NELL1: variants seen among roughly 807,000 people sequenced by gnomAD.
NELL1 encodes the protein protein kinase C-binding protein NELL1.
NELL1 carries 76 observed loss-of-function variants against 107.4 expected under a neutral mutation model. The observed-to-expected ratio is 0.71, with a 90% CI of 0.59 to 0.86. The LOEUF (loss-of-function observed/expected upper bound fraction) is 0.86, where lower values mean the gene tolerates loss of function less well. Ranked by LOEUF, NELL1 falls within the 40% of genes least tolerant of loss-of-function variation. The probability of loss-of-function intolerance (pLI) is 0.00; values close to 1 mark genes in which losing one functional copy is unlikely to be tolerated. For missense variants in NELL1, 1,024 were observed against 1,005.5 expected, an observed-to-expected ratio of 1.02 and a Z score of -0.25; for synonymous variants, 353 against 341.2, an observed-to-expected ratio of 1.03 and a Z score of -0.38.
intron 2 of NELL1, among the ~76,000 whole-genome samples, chr11:20,692,858 G>A (rs191706585): frequency 1.4e-4 from 21 of 152,160 alleles, no homozygotes; most frequent in Middle Eastern, 3.4e-3. Context: ...TTTCTGTCTC[G>A]TTGATCTGTC....
intron 4 of NELL1, among the ~76,000 whole-genome samples, chr11:20,865,285 C>A (rs1470968328): frequency 6.6e-6 from 1 of 152,158 alleles, no homozygotes; most frequent in African/African-American, 2.4e-5. Context: ...TCCTGCTAAA[C>A]ACCACATGAA....
At chr11:21,213,179 A>C (rs1490008978) in intron 13 of NELL1, among the ~76,000 whole-genome samples, 1 of 152,140 alleles carries the variant, frequency 6.6e-6, no homozygotes, top group Non-Finnish European at 1.5e-5. Context: ...CATTTATAGG[A>C]TCTGTATGCT....
chr11:21,361,264 T>G (rs1205916749), intron 14 of NELL1, among the ~76,000 whole-genome samples: 18 of 42,900 alleles, frequency 4.2e-4, no homozygotes, highest in Admixed American at 2.0e-3. Context: ...TGACAATTTT[T>G]TTTTTTTTTT....
chr11:20,934,383 T>C (rs1850680329), intron 9 of NELL1, among the ~76,000 whole-genome samples: 1 of 152,224 alleles, frequency 6.6e-6, no homozygotes, highest in Admixed American at 6.5e-5. Flanking sequence ...CACCCTGCTA[T>C]GTGAGTACAT....
At chr11:20,944,957 G>T (rs1263471699) in intron 10 of NELL1, among the ~76,000 whole-genome samples, 1 of 152,048 alleles carries the variant, frequency 6.6e-6, no homozygotes, top group Admixed American at 6.6e-5. Flanking sequence ...TTAATATTTT[G>T]TTTTTACAAA....
chr11:21,499,229 T>C (rs1425404595), intron 15 of NELL1, among the ~76,000 whole-genome samples: 1 of 152,054 alleles, frequency 6.6e-6, no homozygotes, highest in East Asian at 1.9e-4. Context: ...TAATACATTG[T>C]AAAATTTACT....
At chr11:20,951,794 T>A (rs1045820777) in intron 11 of NELL1, among the ~76,000 whole-genome samples, 6 of 152,116 alleles carry the variant, frequency 3.9e-5, no homozygotes, top group Non-Finnish European at 8.8e-5. Flanking sequence ...CAGAACATCC[T>A]TAATCACCAC....
chr11:21,355,165 T>G (rs1467842410), intron 14 of NELL1, among the ~76,000 whole-genome samples: 1 of 152,218 alleles, frequency 6.6e-6, no homozygotes, highest in Non-Finnish European at 1.5e-5. Context: ...TCTTCATACC[T>G]TTTTGTCTTA....
At position 21,573,263 on chromosome 11, in the gene NELL1, T is replaced by C. The variant is rs774092159; in HGVS notation, c.2236T>C (p.Cys746Arg). 1 of 1,612,502 alleles carries C rather than the reference T, an allele frequency of 6.2e-7. No homozygotes were observed. The highest frequency in any genetic ancestry group is 8.5e-7 in the Non-Finnish European group (1 of 1,179,056). Residue 746 changes from cysteine to arginine, a missense_variant, in exon 19 of 20, where the codon TGT (cysteine) becomes CGT (arginine). Transcript: ENST00000357134. ...TACAGCTATCTTAGAAGGGGAATGTTGTCCCCGCTGTGTCAGTGACCCCTG... is the reference window on the plus strand; with the variant it reads ...TACAGCTATCTTAGAAGGGGAATGTCGTCCCCGCTGTGTCAGTGACCCCTG... ...EYTAILEGEC[C>R]PRCVSDPCLA...
intron 3 of NELL1, among the ~76,000 whole-genome samples, chr11:20,833,576 TTCCTAAA>T (rs1162243612): frequency 6.6e-6 from 1 of 152,182 alleles, no homozygotes; most frequent in Non-Finnish European, 1.5e-5. Flanking sequence ...AGTCCATGTG[TTCCTAAA>T]GCTTATCCAG....
chr11:21,525,694 A>G (rs927976701), intron 15 of NELL1, among the ~76,000 whole-genome samples: 2 of 152,224 alleles, frequency 1.3e-5, no homozygotes, highest in African/African-American at 4.8e-5. Flanking sequence ...AGGCCTCACA[A>G]TCATGGCAGA....
chr11:20,816,919 TTTTG>T (rs1270648796), intron 3 of NELL1, among the ~76,000 whole-genome samples: 2 of 152,194 alleles, frequency 1.3e-5, no homozygotes, highest in Non-Finnish European at 2.9e-5. Context: ...TTGTTTTTAG[TTTTG>T]TTTATGTGTT....
Position 21,515,445 on chromosome 11 carries a change from G to A in NELL1, c.1646-18929G>A, listed in dbSNP as rs140881915. The stretch of plus-strand genomic sequence containing the variant: ...GTGGGGGGCCTTCCTCTTGCTACCT[G>A]CCACTAACTTTCTTCTCCATCCCCC... On this transcript the variant is annotated intron_variant, in intron 15 of 19. Transcript: ENST00000357134. Among the ~76,000 whole-genome samples, 435 of 152,218 alleles carry A rather than the reference G, an allele frequency of 2.9e-3. 3 individuals are homozygous for A. The highest frequency in any genetic ancestry group is 4.2e-3 in the Non-Finnish European group (286 of 67,992).
intron 14 of NELL1, among the ~76,000 whole-genome samples, chr11:21,365,206 A>G (rs762126435): frequency 3.9e-5 from 6 of 152,088 alleles, no homozygotes; most frequent in Non-Finnish European, 8.8e-5. Context: ...CTATTCCACT[A>G]TGAGATTCTT....
rs374409637 is a variant in NELL1 at position 21,399,110 on chromosome 11, C to T, written c.1645+28162C>T. 1.9e-3 allele frequency among the ~76,000 whole-genome samples: 288 copies of T among 151,728 alleles called. 8 individuals are homozygous for T. The South Asian group carries it at 0.053, about 28-fold the overall frequency. ...CTGTATCTCCAAACACTTCTCTTGA[C>T]GTTTAGCTGCAAAGGGCCAAGGAAA... On this transcript the variant is annotated intron_variant, in intron 15 of 19. Transcript: ENST00000357134.
At chr11:21,522,383 C>T (rs937035475) in intron 15 of NELL1, among the ~76,000 whole-genome samples, 1 of 152,010 alleles carries the variant, frequency 6.6e-6, no homozygotes, top group Non-Finnish European at 1.5e-5. Flanking sequence ...GCTATTTAGC[C>T]GTAAAAAATG....
At chr11:21,101,532 TA>T (rs1424325960) in intron 12 of NELL1, among the ~76,000 whole-genome samples, 1 of 152,172 alleles carries the variant, frequency 6.6e-6, no homozygotes, top group Non-Finnish European at 1.5e-5. Context: ...ATCGCCATTC[TA>T]ACTGGTGTGA....
chr11:21,420,139 A>G (rs2133820822), intron 15 of NELL1, among the ~76,000 whole-genome samples: 1 of 152,182 alleles, frequency 6.6e-6, no homozygotes, highest in Non-Finnish European at 1.5e-5. Context: ...AAATCAATGA[A>G]ATGCATGCTA....
At chr11:20,861,501 C>A (rs754323737) in intron 4 of NELL1, among the ~76,000 whole-genome samples, 3 of 152,140 alleles carry the variant, frequency 2.0e-5, no homozygotes, top group Admixed American at 1.3e-4. Context: ...TCCTGTCACA[C>A]AGCAGTGACT....
Sources: allele counts gnomAD v4.1 joint callset (sites outside exome capture counted in the v4.1 genomes callset), GRCh38; gene constraint gnomAD v4.1.1; transcripts MANE v1.5; gene names NCBI Gene and HGNC (gene_info 2026-07-23, HGNC 2026-07-21).